STK39: variants seen among roughly 807,000 people sequenced by gnomAD.
STK39 encodes the protein serine/threonine kinase 39, also known as STE20/SPS1-related proline-alanine-rich protein kinase.
In STK39, 20 loss-of-function variants were observed where a neutral mutation model predicts 77.8. The ratio of observed to expected loss-of-function variants is 0.26; its 90% CI spans 0.18 to 0.37. The LOEUF (loss-of-function observed/expected upper bound fraction) is 0.37. STK39 is among the 10% of genes least tolerant of loss of function. STK39 has a pLI of 1.00. For synonymous variants in STK39, 246 were observed against 234.1 expected (o/e 1.05, Z -0.47); for missense variants, 479 against 656.5 (o/e 0.73, Z 2.95).
intron 8 of STK39, among the ~76,000 whole-genome samples, chr2:168,133,396 CTTAA>C (rs1168254156): frequency 2.6e-5 from 4 of 152,114 alleles, no homozygotes; most frequent in Non-Finnish European, 4.4e-5. Flanking sequence ...TTTTTATTGG[CTTAA>C]TTGTTAAGTA....
At chr2:167,997,244 G>A (rs978001947) in intron 16 of STK39, among the ~76,000 whole-genome samples, 2 of 151,772 alleles carry the variant, frequency 1.3e-5, no homozygotes, top group African/African-American at 4.8e-5. Context: ...TCTTCCCTAC[G>A]TGCAATTTCT....
At chr2:168,214,921 A>C (rs912468144) in intron 1 of STK39, among the ~76,000 whole-genome samples, 6 of 152,072 alleles carry the variant, frequency 3.9e-5, no homozygotes, top group Admixed American at 3.3e-4. Context: ...TCTATTCTTC[A>C]TTTTGTCATT....
At chr2:168,237,984 T>G (rs1690663340) in intron 1 of STK39, among the ~76,000 whole-genome samples, 1 of 152,018 alleles carries the variant, frequency 6.6e-6, no homozygotes, top group South Asian at 2.1e-4. Context: ...ACCAGATGAT[T>G]CAAATTAAAA....
chr2:168,233,434 C>T (rs566078065), intron 1 of STK39, among the ~76,000 whole-genome samples: 9 of 152,326 alleles, frequency 5.9e-5, no homozygotes, highest in African/African-American at 1.9e-4. Context: ...TCTCCCTACA[C>T]AGATTTTTTT....
At chr2:168,226,492 T>C (rs1261327017) in intron 1 of STK39, among the ~76,000 whole-genome samples, 1 of 152,228 alleles carries the variant, frequency 6.6e-6, no homozygotes, top group East Asian at 1.9e-4. Flanking sequence ...CAAAAAAATC[T>C]TTCCATAAAT....
chr2:168,152,543 G>A (rs143168648), intron 5 of STK39, among the ~76,000 whole-genome samples: 97 of 152,322 alleles, frequency 6.4e-4, no homozygotes, highest in Non-Finnish European at 1.2e-3. Flanking sequence ...TGGTGGGGTA[G>A]GGGTGAAACC....
chr2:168,122,728 C>T (rs970197132), intron 10 of STK39, among the ~76,000 whole-genome samples: 5 of 152,104 alleles, frequency 3.3e-5, no homozygotes, highest in Admixed American at 2.0e-4. Context: ...TGAGCCACCA[C>T]ACTCAGCCAA....
chr2:168,149,648 T>C (rs1688229055), intron 5 of STK39, among the ~76,000 whole-genome samples: 1 of 152,216 alleles, frequency 6.6e-6, no homozygotes, highest in Non-Finnish European at 1.5e-5. Flanking sequence ...AACCATTGCA[T>C]CAGAGGCCAA....
chr2:168,112,725 C>T (rs761674103), intron 10 of STK39, among the ~76,000 whole-genome samples: 11 of 152,230 alleles, frequency 7.2e-5, no homozygotes, highest in East Asian at 1.9e-4. Flanking sequence ...TTAATACCAG[C>T]GGTTTGGACC....
At chr2:168,091,288 T>C (rs918690098) in intron 10 of STK39, among the ~76,000 whole-genome samples, 1 of 152,004 alleles carries the variant, frequency 6.6e-6, no homozygotes, top group African/African-American at 2.4e-5. Flanking sequence ...CATCACAAGG[T>C]CCCTATGCAG....
intron 10 of STK39, among the ~76,000 whole-genome samples, chr2:168,102,248 C>T (rs965151459): frequency 6.6e-6 from 1 of 152,004 alleles, no homozygotes; most frequent in Non-Finnish European, 1.5e-5. Context: ...TCCAAAGTGG[C>T]TGCACCATTT....
chr2:168,136,477 T>G (rs1051693742), intron 8 of STK39, among the ~76,000 whole-genome samples: 1 of 152,148 alleles, frequency 6.6e-6, no homozygotes, highest in East Asian at 1.9e-4. Flanking sequence ...AAATACACTA[T>G]TATATCATTA....
intron 16 of STK39, among the ~76,000 whole-genome samples, chr2:167,983,392 T>C (rs913730625): frequency 7.0e-6 from 1 of 142,218 alleles, no homozygotes; most frequent in African/African-American, 2.7e-5. Flanking sequence ...GGCAGGAGAA[T>C]CGCTTGAACC....
intron 14 of STK39, among the ~76,000 whole-genome samples, chr2:168,061,474 T>A (rs1447451176): frequency 6.6e-6 from 1 of 151,972 alleles, no homozygotes; most frequent in East Asian, 1.9e-4. Context: ...CAAAAAAAAG[T>A]GTATGTGCGT....
At chr2:168,041,081 G>A (rs560539479) in intron 14 of STK39, among the ~76,000 whole-genome samples, 2 of 152,128 alleles carry the variant, frequency 1.3e-5, no homozygotes, top group Non-Finnish European at 1.5e-5. Flanking sequence ...GGAGCTTACC[G>A]TCTAGGGAGA....
chr2:168,213,039 C>T (rs1400824577), intron 1 of STK39, among the ~76,000 whole-genome samples: 2 of 152,148 alleles, frequency 1.3e-5, no homozygotes, highest in Non-Finnish European at 2.9e-5. Flanking sequence ...GATGTGTCTC[C>T]CAGTGACTCG....
In STK39 at chr2:168,242,561, ATATATATATAT is replaced by A. The variant is rs1208801506; in HGVS notation, c.208+4656_208+4666del. On this transcript the variant is annotated intron_variant, in intron 1 of 17. Coordinates refer to ENST00000355999, the MANE Select transcript of STK39 (RefSeq NM_013233.3). ...AAGACTCTTACAAAAAAAAAAAAAA[ATATATATATAT>A]ATATATATATATATATATATATATA... is the stretch of plus-strand genomic sequence containing the variant. 1.5e-3 allele frequency among the ~76,000 whole-genome samples: 102 copies of A among 68,264 alleles called. 16 individuals are homozygous for A. The highest frequency in any genetic ancestry group is 3.2e-3 in the Admixed American group (14 of 4,416). The allele number at this position is 68,264 out of a possible 152,430, so 44.8% of individuals were successfully genotyped here.
At chr2:168,052,621 G>A (rs1685427123) in intron 14 of STK39, among the ~76,000 whole-genome samples, 1 of 152,158 alleles carries the variant, frequency 6.6e-6, no homozygotes, top group Admixed American at 6.5e-5. Context: ...CACCTGTGCA[G>A]TACATATTTA....
intron 1 of STK39, among the ~76,000 whole-genome samples, chr2:168,200,447 T>A (rs1689584644): frequency 6.6e-6 from 1 of 152,030 alleles, no homozygotes; most frequent in Non-Finnish European, 1.5e-5. Context: ...GGTGGATTGC[T>A]TGAAACCAGG....
Sources: allele counts gnomAD v4.1 joint callset (sites outside exome capture counted in the v4.1 genomes callset), GRCh38; gene constraint gnomAD v4.1.1; transcripts MANE v1.5; gene names NCBI Gene and HGNC (gene_info 2026-07-23, HGNC 2026-07-21).